ARR3: variants seen among roughly 807,000 people sequenced by gnomAD.
ARR3 encodes arrestin-C.
In ARR3, 14 loss-of-function variants were observed where a neutral mutation model predicts 35.4. The observed-to-expected ratio is 0.40, with a 90% CI of 0.26 to 0.62. The LOEUF is 0.62. Among genes scored for constraint, ARR3 ranks in the 20% least tolerant of loss-of-function variants. ARR3 has a pLI of 0.46. For missense variants in ARR3, 259 were observed against 303.8 expected, an observed-to-expected ratio of 0.85 and a Z score of 1.10; for synonymous variants, 97 against 119.1, an observed-to-expected ratio of 0.81 and a Z score of 1.21.
At chrX:70,273,798 G>A (rs2085640362) in intron 5 of ARR3, among the ~76,000 whole-genome samples, 1 of 111,901 alleles carries the variant, frequency 8.9e-6, no homozygotes, top group Non-Finnish European at 1.9e-5. Flanking sequence ...ATTTGTGCAA[G>A]TCCTATTCAA....
Position 70,281,055 on chromosome X carries a change from A to G in ARR3, c.1067-44A>G, listed in dbSNP as rs368393475. On this transcript the variant is annotated intron_variant, in intron 15 of 16. Coordinates refer to ENST00000307959, the MANE Select transcript of ARR3 (RefSeq NM_004312.3). Reference sequence around the variant, plus strand: ...TCAGGGAACCGAAGAGCCTCTAATCAGCTTCAGCTCCATTTTTTCCCTCCG... The same window carrying G: ...TCAGGGAACCGAAGAGCCTCTAATCGGCTTCAGCTCCATTTTTTCCCTCCG... 75 of 1,199,396 alleles carry G rather than the reference A, an allele frequency of 6.3e-5. No individual in the cohort carries two copies. The African/African-American group carries it at 1.2e-3, about 20-fold the overall frequency.
rs2085678013 is a variant in ARR3 at position 70,280,794 on chromosome X, C to G, written c.1042C>G (p.Leu348Val). 2.5e-6 allele frequency: 3 copies of G among 1,211,421 alleles called. No homozygotes were observed. The Admixed American group carries it at 6.5e-5, about 26-fold the overall frequency. Reference sequence around the variant, plus strand: ...TGTTGGTGTGGAGCTACCCTTGGTCCTGATCCATCCGAAGCCATCTCATGG... The same window carrying G: ...TGTTGGTGTGGAGCTACCCTTGGTCGTGATCCATCCGAAGCCATCTCATGG... The part of the protein sequence containing the change: ...SDVGVELPLV[L>V]IHPKPSHEAA... The change falls in exon 15 of 17, where the codon CTG (leucine) becomes GTG (valine). Residue 348 changes from leucine (L) to valine (V), a missense_variant. Coordinates refer to ENST00000307959, the MANE Select transcript of ARR3 (RefSeq NM_004312.3).
At chrX:70,281,244 C>T (rs1602726078) in intron 16 of ARR3, 136 bp downstream of exon 16, 1 of 791,528 alleles carries the variant, frequency 1.3e-6, no homozygotes, top group African/African-American at 2.1e-5. Context: ...GGCTTAGCTT[C>T]GTGTCACAGT....
intron 12 of ARR3, among the ~76,000 whole-genome samples, chrX:70,279,158 A>G (rs1214230846): frequency 8.9e-6 from 1 of 112,567 alleles, no homozygotes. Flanking sequence ...GTAGAAGACT[A>G]GGAGATGAGA....
intron 8 of ARR3, 104 bp from the exon 9 acceptor site, chrX:70,277,290 C>T: frequency 9.4e-7 from 1 of 1,067,618 alleles, no homozygotes; most frequent in South Asian, 2.3e-5. Flanking sequence ...GAGGCCTTCC[C>T]CTGCTCCCAT....
intron 5 of ARR3, among the ~76,000 whole-genome samples, chrX:70,272,331 T>C (rs991513037): frequency 8.9e-6 from 1 of 111,989 alleles, no homozygotes; most frequent in Non-Finnish European, 1.9e-5. Context: ...GTAGAAAAAT[T>C]AGAAAACATA....
chrX:70,281,554 G>A (rs2085685280), intron 16 of ARR3, 122 bp from the exon 17 acceptor site: 7 of 581,467 alleles, frequency 1.2e-5, no homozygotes, highest in South Asian at 2.6e-5. Flanking sequence ...AGAGGGGGCC[G>A]AGGAGCCTAC....
At position 70,274,420 on chromosome X, in the gene ARR3, C is replaced by T. The variant is rs112596181; in HGVS notation, c.146-1662C>T. Among the ~76,000 whole-genome samples the T allele has an allele frequency of 5.8e-3, 647 of 110,923 alleles. 8 individuals are homozygous for T. Among genetic ancestry groups the T allele is most frequent in the African/African-American group, 0.02 (624 of 30,491 alleles). On this transcript the variant is annotated intron_variant, in intron 5 of 16. Coordinates refer to ENST00000307959, the MANE Select transcript of ARR3 (RefSeq NM_004312.3). ...ATCACCATGTTGGCCAGGCTGGTCT[C>T]GAACTCCTGTCCTCAAGCGATCTGT... is the stretch of plus-strand genomic sequence containing the variant.
At chrX:70,277,585 T>G (rs750865419) in intron 9 of ARR3, 56 bp downstream of exon 9, 1 of 1,190,171 alleles carries the variant, frequency 8.4e-7, no homozygotes, top group South Asian at 1.9e-5. Flanking sequence ...TGCCCTTTCT[T>G]CACTGATTTC....
intron 2 of ARR3, 107 bp downstream of exon 2, chrX:70,269,500 T>C: frequency 1.3e-5 from 13 of 990,813 alleles, no homozygotes; most frequent in Non-Finnish European, 1.8e-5. Context: ...ACTTGTGTCC[T>C]TGGATTCTAC....
chrX:70,276,468 GCCAGGT>G lies in ARR3; in HGVS notation c.384_389del (p.Gly129_Pro130del), dbSNP rs765427851. 2 of 1,211,859 alleles carry G rather than the reference GCCAGGT, an allele frequency of 1.7e-6. No individual in the cohort carries two copies. Among genetic ancestry groups the G allele is most frequent in the Non-Finnish European group, 2.2e-6 (2 of 895,420 alleles). On this transcript the variant is annotated inframe_deletion, in exon 7 of 17. Coordinates refer to ENST00000307959, the MANE Select transcript of ARR3 (RefSeq NM_004312.3). ...ACCTGCCCTGTTCTGTGACACTGCA[GCCAGGT>G]CCTGAAGATGCAGGAAAGGTGAGGA...
In ARR3 at chrX:70,278,658, C is replaced by G; in HGVS notation, c.905+17C>G. 2 of 1,199,908 alleles carry G rather than the reference C, an allele frequency of 1.7e-6. No homozygotes were observed. The highest frequency in any genetic ancestry group is 2.3e-6 in the Non-Finnish European group (2 of 887,758). On this transcript the variant is annotated intron_variant, in intron 12 of 16. Coordinates refer to ENST00000307959, the MANE Select transcript of ARR3 (RefSeq NM_004312.3). ...TAGCACAATGTAAGCTCAAATATAA[C>G]TCTCAGCCTCCATTTCCTACCCCTC...
intron 1 of ARR3, 141 bp from the exon 2 acceptor site, chrX:70,269,215 T>C (rs2085619673): frequency 1.9e-6 from 1 of 522,443 alleles, no homozygotes; most frequent in Non-Finnish European, 2.9e-6. Context: ...GAAGGGAGAA[T>C]AGGAGGTACT....
At chrX:70,273,437 G>A (rs1270269902) in intron 5 of ARR3, among the ~76,000 whole-genome samples, 1 of 110,726 alleles carries the variant, frequency 9.0e-6, no homozygotes, top group Non-Finnish European at 1.9e-5. Context: ...GGCCAGGCTG[G>A]ACTCGAACTC....
intron 15 of ARR3, 82 bp downstream of exon 15, chrX:70,280,900 T>C: frequency 8.8e-7 from 1 of 1,136,924 alleles, no homozygotes. Context: ...AATTGGAGAC[T>C]AGCAGTTTGC....
In ARR3 at chrX:70,271,298, T is replaced by C. The variant is rs188516499; in HGVS notation, c.145+1154T>C. 4.9e-3 allele frequency among the ~76,000 whole-genome samples: 553 copies of C among 112,532 alleles called. 26 individuals are homozygous for C. The East Asian group carries it at 0.086, about 17-fold the overall frequency. ...CCTTTTATTCTAATCTTCTTTTATG[T>C]CCCCTTAGTAGAGTTTTATATTACT... On this transcript the variant is annotated intron_variant, in intron 5 of 16. Coordinates refer to ENST00000307959, the MANE Select transcript of ARR3 (RefSeq NM_004312.3).
At position 70,270,152 on chromosome X, in the gene ARR3, G is replaced by A. The variant is rs1312465973; in HGVS notation, c.145+8G>A. On this transcript the variant is annotated splice_region_variant and intron_variant, in intron 5 of 16. Coordinates refer to ENST00000307959, the MANE Select transcript of ARR3 (RefSeq NM_004312.3). ...ACTTAAAATGTCGAAAGTGTAAGTG[G>A]AAATCCTTGTTGGTCTTTGTATGTT... The A allele has an allele frequency of 5.8e-6, 7 of 1,208,258 alleles. No homozygotes were observed. Among genetic ancestry groups the A allele is most frequent in the Non-Finnish European group, 6.7e-6 (6 of 892,217 alleles).
intron 5 of ARR3, among the ~76,000 whole-genome samples, chrX:70,273,642 T>G (rs1378461843): frequency 8.9e-6 from 1 of 111,863 alleles, no homozygotes; most frequent in Non-Finnish European, 1.9e-5. Context: ...CATTGCTTAA[T>G]AGCTCTGAGC....
chrX:70,280,110 A>G, intron 12 of ARR3, 85 bp from the exon 13 acceptor site: 1 of 865,307 alleles, frequency 1.2e-6, no homozygotes, highest in Non-Finnish European at 1.7e-6. Context: ...GGGTGTGGTG[A>G]TAGGAATGCA....
Sources: gnomAD v4.1 joint callset for allele counts (sites outside exome capture counted in the v4.1 genomes callset) on GRCh38, gnomAD v4.1.1 for gene constraint, MANE v1.5 for transcripts, NCBI Gene and HGNC (gene_info 2026-07-23, HGNC 2026-07-21) for gene names.